Variants in PYHIN1 observed in about 807,000 individuals in gnomAD.
PYHIN1 encodes pyrin and HIN domain-containing protein 1.
Under a neutral mutation model 43.7 loss-of-function variants are expected in PYHIN1, and 32 were observed. The observed-to-expected ratio is 0.73, with a 90% CI of 0.55 to 0.98. The LOEUF (loss-of-function observed/expected upper bound fraction) is 0.98, where lower values mean the gene tolerates loss of function less well. Among genes scored for constraint, PYHIN1 ranks in the 50% least tolerant of loss-of-function variants. The probability of loss-of-function intolerance (pLI) is 0.00; values close to 1 mark genes in which losing one functional copy is unlikely to be tolerated. For synonymous variants in PYHIN1, 205 were observed against 203.1 expected (o/e 1.01, Z -0.08); for missense variants, 588 against 589.5 (o/e 1.00, Z 0.03).
intron 7 of PYHIN1, among the ~76,000 whole-genome samples, chr1:158,954,524 T>A (rs1347915316): frequency 6.6e-6 from 1 of 151,182 alleles, no homozygotes; most frequent in Non-Finnish European, 1.5e-5. Context: ...GAAGGAGAAA[T>A]AAAATACATT....
intron 1 of PYHIN1, among the ~76,000 whole-genome samples, chr1:158,936,620 G>A (rs1633279): frequency 0.98 from 149,768 of 152,178 alleles, 73,732 homozygotes; most frequent in Middle Eastern, 1. Flanking sequence ...AATAGATGCA[G>A]AAAAGGCCTT....
chr1:158,943,770 A>G lies in PYHIN1; in HGVS notation c.1003-20A>G. 2 of 1,573,762 alleles carry G rather than the reference A, an allele frequency of 1.3e-6. No individual in the cohort carries two copies. The highest frequency in any genetic ancestry group is 2.3e-5 in the South Asian group (2 of 88,598). On this transcript the variant is annotated intron_variant, in intron 5 of 8. Transcript: ENST00000368140. ...TAGTTACTATGTTCTCACAAACATG[A>G]TATTAATTTTTTGTTGCAGAAAATT...
At chr1:158,958,781 A>G (rs200028249) in intron 7 of PYHIN1, among the ~76,000 whole-genome samples, 1 of 114,272 alleles carries the variant, frequency 8.8e-6, no homozygotes, top group Non-Finnish European at 1.9e-5. Flanking sequence ...GAAAAAAAAT[A>G]AATTAAAAAA....
At chr1:158,954,955 G>C (rs1219951898) in intron 7 of PYHIN1, among the ~76,000 whole-genome samples, 1 of 149,792 alleles carries the variant, frequency 6.7e-6, no homozygotes, top group African/African-American at 2.5e-5. Flanking sequence ...TGCAATCCTA[G>C]TCTCTGATAA....
At chr1:158,935,455 A>G (rs1276356150) in intron 1 of PYHIN1, among the ~76,000 whole-genome samples, 1 of 152,234 alleles carries the variant, frequency 6.6e-6, no homozygotes, top group East Asian at 1.9e-4. Context: ...ATGAAAATGA[A>G]TTAGACAAAT....
intron 7 of PYHIN1, among the ~76,000 whole-genome samples, chr1:158,962,907 T>C (rs2101711271): frequency 6.6e-6 from 1 of 151,910 alleles, no homozygotes; most frequent in East Asian, 1.9e-4. Flanking sequence ...CAGCAGTGGT[T>C]CTGCCCCTGA....
At chr1:158,960,283 G>GATAT (rs1650249438) in intron 7 of PYHIN1, among the ~76,000 whole-genome samples, 1 of 152,172 alleles carries the variant, frequency 6.6e-6, no homozygotes, top group African/African-American at 2.4e-5. Flanking sequence ...TATTCTCTTG[G>GATAT]CCACTTCAAT....
chr1:158,945,782 G>C (rs1649187906), intron 7 of PYHIN1, among the ~76,000 whole-genome samples: 1 of 152,208 alleles, frequency 6.6e-6, no homozygotes, highest in Non-Finnish European at 1.5e-5. Flanking sequence ...CATAGAACAT[G>C]TAACGACAAT....
intron 7 of PYHIN1, among the ~76,000 whole-genome samples, chr1:158,959,296 C>G (rs1480994116): frequency 6.8e-6 from 1 of 147,414 alleles, no homozygotes; most frequent in Non-Finnish European, 1.5e-5. Flanking sequence ...GCCACAGCCT[C>G]GACTAGCTGG....
intron 7 of PYHIN1, among the ~76,000 whole-genome samples, chr1:158,957,888 T>C (rs371513334): frequency 6.7e-6 from 1 of 150,042 alleles, no homozygotes; most frequent in Non-Finnish European, 1.5e-5. Context: ...GAATCTACAA[T>C]GAACTCAAAC....
chr1:158,986,209 G>A, the PYHIN1 span, among the ~76,000 whole-genome samples: 2 of 152,174 alleles, frequency 1.3e-5, no homozygotes, highest in Non-Finnish European at 2.9e-5. Flanking sequence ...TCTTGCACTG[G>A]TTCTTTCCCA....
At chr1:158,977,243 G>A (rs959154313), downstream of PYHIN1, among the ~76,000 whole-genome samples, 3 of 151,986 alleles carry the variant, frequency 2.0e-5, no homozygotes, top group East Asian at 5.8e-4. Flanking sequence ...AGGTAGGGGT[G>A]AAATCCAGCC....
At chr1:158,982,789 A>C in the PYHIN1 span, among the ~76,000 whole-genome samples, 4 of 152,058 alleles carry the variant, frequency 2.6e-5, no homozygotes, top group African/African-American at 9.7e-5. Context: ...ATGTCTTTCC[A>C]TTTGTTTGTA....
intron 4 of PYHIN1, among the ~76,000 whole-genome samples, chr1:158,941,448 G>A (rs1648905487): frequency 6.6e-6 from 1 of 152,120 alleles, no homozygotes; most frequent in South Asian, 2.1e-4. Context: ...GCCCACAGGT[G>A]TTCTCACCTG....
chr1:158,979,805 T>C (rs1003228851), downstream of PYHIN1, among the ~76,000 whole-genome samples: 2 of 152,166 alleles, frequency 1.3e-5, no homozygotes, highest in Admixed American at 1.3e-4. Context: ...GTTGCTGGGA[T>C]TGGCATACAA....
At chr1:158,934,963 C>A (rs1220326040) in intron 1 of PYHIN1, among the ~76,000 whole-genome samples, 1 of 152,130 alleles carries the variant, frequency 6.6e-6, no homozygotes, top group African/African-American at 2.4e-5. Context: ...CCCTTGACCT[C>A]ACATGAACTG....
downstream of PYHIN1, among the ~76,000 whole-genome samples, chr1:158,978,409 G>T (rs1571796744): frequency 6.6e-6 from 1 of 151,870 alleles, no homozygotes; most frequent in Non-Finnish European, 1.5e-5. Flanking sequence ...TGAGTGAAGT[G>T]GTCAAAATCA....
chr1:158,973,117 A>G (rs1651030492), intron 7 of PYHIN1, among the ~76,000 whole-genome samples: 1 of 146,560 alleles, frequency 6.8e-6, no homozygotes, highest in Non-Finnish European at 1.5e-5. Context: ...TCTCTCATCT[A>G]GTTTTTCACC....
chr1:158,952,878 C>T (rs1034867370), intron 7 of PYHIN1, among the ~76,000 whole-genome samples: 18 of 152,126 alleles, frequency 1.2e-4, no homozygotes, highest in Admixed American at 3.3e-4. Context: ...AGACAGTGGG[C>T]GCAGGTCAGT....
Sources: gnomAD v4.1 joint callset for allele counts (sites outside exome capture counted in the v4.1 genomes callset) on GRCh38, gnomAD v4.1.1 for gene constraint, MANE v1.5 for transcripts, NCBI Gene and HGNC (gene_info 2026-07-23, HGNC 2026-07-21) for gene names.